Variants in FAM13A observed in about 807,000 individuals in gnomAD.
The protein encoded by FAM13A is family with sequence similarity 13 member A.
FAM13A carries 76 observed loss-of-function variants against 129.6 expected under a neutral mutation model. That is an observed-to-expected ratio of 0.59 (90% CI 0.49 to 0.71). FAM13A has a LOEUF of 0.71. Among genes scored for constraint, FAM13A ranks in the 30% least tolerant of loss-of-function variants. The pLI is 0.00. For synonymous variants in FAM13A, 443 were observed against 449.9 expected, an observed-to-expected ratio of 0.98 and a Z score of 0.20; for missense variants, 1,108 against 1,249.3, an observed-to-expected ratio of 0.89 and a Z score of 1.70.
chr4:89,015,639 C>T (rs1766381013), intron 3 of FAM13A, among the ~76,000 whole-genome samples: 1 of 152,150 alleles, frequency 6.6e-6, no homozygotes, highest in Non-Finnish European at 1.5e-5. Flanking sequence ...AAGAAATTAT[C>T]AACAACATTA....
At chr4:89,051,438 T>C (rs28718401) in intron 1 of FAM13A, among the ~76,000 whole-genome samples, 15,884 of 152,240 alleles carry the variant, frequency 0.1, 900 homozygotes, top group African/African-American at 0.14. Flanking sequence ...TTTCAACATG[T>C]GAATTTTGGA....
intron 21 of FAM13A, among the ~76,000 whole-genome samples, chr4:88,736,169 A>C (rs534037137): frequency 6.6e-6 from 1 of 152,354 alleles, no homozygotes; most frequent in African/African-American, 2.4e-5. Context: ...TAATTTTTAA[A>C]GACACAATAT....
chr4:88,874,114 A>G (rs1741945280), intron 6 of FAM13A, among the ~76,000 whole-genome samples: 1 of 152,180 alleles, frequency 6.6e-6, no homozygotes, highest in South Asian at 2.1e-4. Context: ...AACTCTCAAT[A>G]AACTAGGTAC....
chr4:88,970,313 G>A (rs989570020), intron 4 of FAM13A, among the ~76,000 whole-genome samples: 10 of 152,022 alleles, frequency 6.6e-5, no homozygotes, highest in Admixed American at 2.6e-4. Flanking sequence ...CTTATGGATG[G>A]CTCCTGGAAA....
chr4:89,016,740 T>C (rs1275528313), intron 3 of FAM13A, among the ~76,000 whole-genome samples: 3 of 152,142 alleles, frequency 2.0e-5, no homozygotes, highest in Admixed American at 6.6e-5. Flanking sequence ...GCTCAAGTGA[T>C]CCTCCCTCCT....
intron 4 of FAM13A, among the ~76,000 whole-genome samples, chr4:88,940,100 C>T (rs989098801): frequency 1.3e-5 from 2 of 152,172 alleles, no homozygotes; most frequent in Admixed American, 6.5e-5. Context: ...ATTTGTTACA[C>T]TACCATACAG....
chr4:88,879,075 C>T (rs932982747), intron 6 of FAM13A, among the ~76,000 whole-genome samples: 2 of 152,184 alleles, frequency 1.3e-5, no homozygotes, highest in Non-Finnish European at 2.9e-5. Context: ...TGCAATCAGA[C>T]ACCTTTATAT....
At chr4:88,983,123 TC>T (rs1761846117) in intron 4 of FAM13A, among the ~76,000 whole-genome samples, 1 of 152,124 alleles carries the variant, frequency 6.6e-6, no homozygotes, top group Admixed American at 6.6e-5. Flanking sequence ...CTTCCTCTGT[TC>T]CTTATAGGTA....
chr4:88,807,571 A>C (rs1038678992), intron 7 of FAM13A, among the ~76,000 whole-genome samples: 1 of 152,128 alleles, frequency 6.6e-6, no homozygotes, highest in Admixed American at 6.6e-5. Context: ...TTTTTAACTT[A>C]CTAAAGTACA....
At chr4:89,004,969 A>T (rs916831523) in intron 3 of FAM13A, among the ~76,000 whole-genome samples, 2 of 123,136 alleles carry the variant, frequency 1.6e-5, no homozygotes, top group African/African-American at 5.5e-5. Flanking sequence ...ACATAGGTAA[A>T]CTCATGTCAT....
chr4:88,872,871 T>C (rs182121384), intron 6 of FAM13A, among the ~76,000 whole-genome samples: 12 of 152,252 alleles, frequency 7.9e-5, no homozygotes, highest in East Asian at 3.9e-4. Flanking sequence ...TATTCAAAAA[T>C]TGACCACATA....
intron 7 of FAM13A, among the ~76,000 whole-genome samples, chr4:88,828,131 A>T (rs1486683050): frequency 1.3e-5 from 2 of 152,002 alleles, no homozygotes; most frequent in African/African-American, 4.8e-5. Context: ...ATTGAAAGAA[A>T]TGTTTTTTTG....
intron 6 of FAM13A, among the ~76,000 whole-genome samples, chr4:88,886,542 C>T (rs190156513): frequency 2.7e-3 from 404 of 151,848 alleles, no homozygotes; most frequent in Non-Finnish European, 3.5e-3. Context: ...GAGCCAAGAT[C>T]GCACCACTGC....
intron 11 of FAM13A, among the ~76,000 whole-genome samples, chr4:88,777,668 T>TA (rs1278998981): frequency 1.3e-5 from 2 of 152,184 alleles, no homozygotes; most frequent in Non-Finnish European, 2.9e-5. Context: ...ACCAAATCTG[T>TA]AAGACACTTT....
chr4:89,043,637 CAGAAAAATGCTGCCA>C, intron 1 of FAM13A, among the ~76,000 whole-genome samples: 1 of 152,022 alleles, frequency 6.6e-6, no homozygotes, highest in Non-Finnish European at 1.5e-5. Context: ...AACAACTCAT[CAGAAAAATGCTGCCA>C]AGAAGCAGAC....
chr4:88,965,980 C>A (rs931117969), intron 4 of FAM13A, among the ~76,000 whole-genome samples: 3 of 152,174 alleles, frequency 2.0e-5, no homozygotes, highest in Admixed American at 6.5e-5. Context: ...TGGATTATTA[C>A]CATCTCTTGG....
At chr4:88,963,202 C>A (rs949982205) in intron 4 of FAM13A, among the ~76,000 whole-genome samples, 1 of 152,114 alleles carries the variant, frequency 6.6e-6, no homozygotes, top group Non-Finnish European at 1.5e-5. Flanking sequence ...CATTAACACA[C>A]CCAGACCCAA....
chr4:88,761,952 G>C (rs980601205), intron 13 of FAM13A, among the ~76,000 whole-genome samples: 2 of 152,000 alleles, frequency 1.3e-5, no homozygotes, highest in African/African-American at 4.8e-5. Flanking sequence ...ACAAAAACCT[G>C]TTAGGGCTCT....
chr4:88,729,063 T>G (rs923912288), intron 23 of FAM13A: 2 of 123,832 alleles, frequency 1.6e-5, no homozygotes, highest in Admixed American at 7.6e-5. Context: ...AACTTAGTTT[T>G]TTTTTTTTTT....
Sources: gnomAD v4.1 joint callset for allele counts (sites outside exome capture counted in the v4.1 genomes callset) on GRCh38, gnomAD v4.1.1 for gene constraint, MANE v1.5 for transcripts, NCBI Gene and HGNC (gene_info 2026-07-23, HGNC 2026-07-21) for gene names.